Variants in BEND2 observed in about 807,000 individuals in gnomAD.
BEND2 encodes BEN domain containing 2, also known as BEN domain-containing protein 2.
In BEND2, 19 loss-of-function variants were observed where a neutral mutation model predicts 43.8. The ratio of observed to expected loss-of-function variants is 0.43; its 90% CI spans 0.30 to 0.64. The LOEUF (loss-of-function observed/expected upper bound fraction) is 0.64, where lower values mean the gene tolerates loss of function less well. Ranked by LOEUF, BEND2 falls within the 30% of genes least tolerant of loss-of-function variation. BEND2 has a pLI of 0.11. For missense variants in BEND2, 544 were observed against 574.0 expected (o/e 0.95, Z 0.53); for synonymous variants, 226 against 210.1 (o/e 1.08, Z -0.66).
intron 4 of BEND2, among the ~76,000 whole-genome samples, chrX:18,208,744 T>A (rs1340184969): frequency 9.0e-6 from 1 of 111,288 alleles, no homozygotes; most frequent in Non-Finnish European, 1.9e-5. Flanking sequence ...AATATCAGTA[T>A]GAACATATAG....
At chrX:18,192,398 TG>T (rs1264599106) in intron 7 of BEND2, among the ~76,000 whole-genome samples, 4 of 110,736 alleles carry the variant, frequency 3.6e-5, no homozygotes, top group Admixed American at 1.9e-4. Context: ...AAAAGAATGA[TG>T]AAAAAGCAAA....
intron 3 of BEND2, among the ~76,000 whole-genome samples, chrX:18,213,184 G>T (rs1602054977): frequency 8.9e-6 from 1 of 111,996 alleles, no homozygotes; most frequent in East Asian, 2.8e-4. Flanking sequence ...TTCAAGTTAG[G>T]ATTGCCTTAT....
At chrX:18,176,368 CAAAAAA>C in intron 10 of BEND2, among the ~76,000 whole-genome samples, 1 of 58,288 alleles carries the variant, frequency 1.7e-5, no homozygotes, top group East Asian at 6.2e-4. Flanking sequence ...TCTTGGTGCT[CAAAAAA>C]AAAAAAAAAA....
chrX:18,185,288 G>C (rs1415187914), intron 8 of BEND2, among the ~76,000 whole-genome samples: 1 of 108,992 alleles, frequency 9.2e-6, no homozygotes, highest in African/African-American at 3.3e-5. Flanking sequence ...TAACACTTTG[G>C]GGGGCCAAGG....
Position 18,171,032 on chromosome X carries a change from G to A in BEND2, c.2154C>T (p.Ala718=), listed in dbSNP as rs775515314. The part of the protein sequence containing the change: ...VYGNLKHGLC[A]LDPNKISALR... ...GAGCACTAATCTTATTGGGGTCAAG[G>A]GCACACAGGCCATGCTTCAGATTGC... The change falls in exon 13 of 14, where the codon GCC becomes GCT. Residue 718 remains alanine (A), a synonymous_variant. Coordinates refer to ENST00000380033, the MANE Select transcript of BEND2 (RefSeq NM_153346.5). The A allele has an allele frequency of 5.8e-6, 7 of 1,209,434 alleles. No homozygotes were observed. In the East Asian group the frequency reaches 1.8e-4, roughly 31 times the overall value.
At position 18,174,180 on chromosome X, in the gene BEND2, C is replaced by T; in HGVS notation, c.1831G>A (p.Asp611Asn). The change falls in exon 12 of 14, where the codon GAT becomes AAT. Residue 611 changes from aspartate (D) to asparagine (N), a missense_variant. This residue lies in a region of BEND2 where 501 missense variants were observed against 501.6 expected (regional missense o/e 1.00). Transcript: ENST00000380033. ...SADRNDQRGR[D>N]GGEGCSWMFQ... is the part of the protein sequence containing the mutation. Reference sequence around the variant, plus strand: ...ATCCAAGAACAGCCTTCACCACCATCTCTGCCCCTTTGGTCATTTCTATCT... The same window carrying T: ...ATCCAAGAACAGCCTTCACCACCATTTCTGCCCCTTTGGTCATTTCTATCT... The T allele has an allele frequency of 8.3e-7, 1 of 1,211,946 alleles. No homozygotes were observed. Among genetic ancestry groups the T allele is most frequent in the Non-Finnish European group, 1.1e-6 (1 of 895,523 alleles).
chrX:18,198,764 G>A (rs190609561), intron 6 of BEND2, among the ~76,000 whole-genome samples: 1,457 of 109,947 alleles, frequency 0.013, 12 homozygotes, highest in Non-Finnish European at 0.022. Flanking sequence ...TATGTTTATC[G>A]TGGCACTATT....
chrX:18,219,475 A>G lies in BEND2; in HGVS notation c.25+1251T>C, dbSNP rs770194472. 1.9e-4 allele frequency among the ~76,000 whole-genome samples: 22 copies of G among 112,861 alleles called. No homozygotes were observed. The Admixed American group carries it at 2.0e-3, about 10-fold the overall frequency. ...TACGTGTTTCTCTTCCTCCTCATTT[A>G]CGTATTTACAATAAAACAGCGAAGC... On this transcript the variant is annotated intron_variant, in intron 1 of 13. Coordinates refer to ENST00000380033, the MANE Select transcript of BEND2 (RefSeq NM_153346.5).
rs1021900879 is a variant in BEND2 at position 18,164,892 on chromosome X, A to T, written c.*117T>A. The T allele has an allele frequency of 5.6e-6, 4 of 718,519 alleles. No homozygotes were observed. The African/African-American group carries it at 6.5e-5, about 12-fold the overall frequency. 59.2% of individuals were successfully genotyped at this position (718,519 alleles called of 1,213,427 possible). On this transcript the variant is annotated 3_prime_UTR_variant, in exon 14 of 14. Transcript: ENST00000380033. The stretch of plus-strand genomic sequence containing the variant: ...GAAAAAGAGGTTTGGCGATTACTAC[A>T]GGTGTCAATGCAAACTACTCTGCCA...
rs1254516500 is a variant in BEND2 at position 18,203,904 on chromosome X, G to A, written c.504C>T (p.Ser168=). The part of the protein sequence containing the change: ...GRFYTPEVQS[S]ISPPAERQET... ...CCTGCCTTTCCGCTGGTGGTGATATGCTAGACTGTACCTATCCAGGGTAAG... is the reference window on the plus strand; with the variant it reads ...CCTGCCTTTCCGCTGGTGGTGATATACTAGACTGTACCTATCCAGGGTAAG... The change falls in exon 5 of 14, where the codon AGC becomes AGT. Residue 168 remains serine, a synonymous_variant. Transcript: ENST00000380033. The A allele has an allele frequency of 3.3e-6, 4 of 1,196,956 alleles. No homozygotes were observed. In the Admixed American group the frequency reaches 8.8e-5, roughly 26 times the overall value.
intron 4 of BEND2, among the ~76,000 whole-genome samples, chrX:18,211,104 A>G (rs900607546): frequency 8.9e-6 from 1 of 111,880 alleles, no homozygotes; most frequent in African/African-American, 3.2e-5. Flanking sequence ...AATTAGCATT[A>G]TCCCCAAAAA....
intron 4 of BEND2, among the ~76,000 whole-genome samples, chrX:18,204,167 A>G (rs1477040905): frequency 8.9e-6 from 1 of 112,416 alleles, no homozygotes; most frequent in African/African-American, 3.2e-5. Context: ...TACTTTGATT[A>G]TATGATTTTT....
Position 18,185,780 on chromosome X carries a change from T to C in BEND2, c.1289-5130A>G, listed in dbSNP as rs773318496. Among the ~76,000 whole-genome samples, 7 of 110,361 alleles carry C rather than the reference T, an allele frequency of 6.3e-5. No homozygotes were observed. In the East Asian group the frequency reaches 2.0e-3, roughly 32 times the overall value. Reference sequence around the variant, plus strand: ...CTCCAATACGACGGGCAGCAGACTTTTCAGTGGAAATCTTGCAGGCCAGGA... The same window carrying C: ...CTCCAATACGACGGGCAGCAGACTTCTCAGTGGAAATCTTGCAGGCCAGGA... On this transcript the variant is annotated intron_variant, in intron 8 of 13. Coordinates refer to ENST00000380033, the MANE Select transcript of BEND2 (RefSeq NM_153346.5).
intron 4 of BEND2, among the ~76,000 whole-genome samples, chrX:18,204,721 C>T (rs1291522976): frequency 9.0e-6 from 1 of 111,421 alleles, no homozygotes; most frequent in Non-Finnish European, 1.9e-5. Context: ...ATCCCCTCTG[C>T]TGCTCTACCC....
intron 10 of BEND2, 47 bp from the exon 11 acceptor site, chrX:18,176,140 C>G (rs1009272632): frequency 8.7e-7 from 1 of 1,144,997 alleles, no homozygotes; most frequent in Non-Finnish European, 1.2e-6. Context: ...AAAAAATTAA[C>G]AAACTAATGA....
intron 8 of BEND2, among the ~76,000 whole-genome samples, chrX:18,184,380 G>T (rs1924500602): frequency 8.9e-6 from 1 of 111,925 alleles, no homozygotes; most frequent in Admixed American, 9.5e-5. Flanking sequence ...TACTTGGGAG[G>T]CTGAGGCAGG....
In BEND2 at chrX:18,218,489, T is replaced by C. The variant is rs189288008; in HGVS notation, c.26-1756A>G. Among the ~76,000 whole-genome samples, 404 of 112,985 alleles carry C rather than the reference T, an allele frequency of 3.6e-3. 3 individuals are homozygous for C. Among genetic ancestry groups the C allele is most frequent in the African/African-American group, 0.011 (357 of 31,180 alleles). On this transcript the variant is annotated intron_variant, in intron 1 of 13. Coordinates refer to ENST00000380033, the MANE Select transcript of BEND2 (RefSeq NM_153346.5). ...CACCGCTAAGGTTTCTCAGTAAATATGTAAAAGTCCAATCAGTTCTTTTAG... is the reference window on the plus strand; with the variant it reads ...CACCGCTAAGGTTTCTCAGTAAATACGTAAAAGTCCAATCAGTTCTTTTAG...
chrX:18,218,343 C>T (rs1925737685), intron 1 of BEND2, among the ~76,000 whole-genome samples: 1 of 111,406 alleles, frequency 9.0e-6, no homozygotes, highest in South Asian at 3.7e-4. Flanking sequence ...CGATTCTGTA[C>T]AAGGAACTTT....
intron 6 of BEND2, among the ~76,000 whole-genome samples, chrX:18,200,141 C>G (rs1317425330): frequency 4.5e-5 from 5 of 111,762 alleles, no homozygotes; most frequent in African/African-American, 1.6e-4. Flanking sequence ...CAATTTGATG[C>G]CTTTTCAATG....
Sources: allele counts gnomAD v4.1 joint callset (sites outside exome capture counted in the v4.1 genomes callset), GRCh38; gene constraint gnomAD v4.1.1; regional missense constraint gnomAD v4.1.1; transcripts MANE v1.5; gene names NCBI Gene and HGNC (gene_info 2026-07-23, HGNC 2026-07-21).